Variants in EYA2 observed in about 807,000 individuals in gnomAD.
The protein encoded by EYA2 is EYA transcriptional coactivator and phosphatase 2.
A neutral mutation model predicts 69.2 loss-of-function variants in EYA2; 31 were observed. That is an observed-to-expected ratio of 0.45 (90% CI 0.34 to 0.60). EYA2 has a LOEUF of 0.60. EYA2 is among the 20% of genes least tolerant of loss of function. The pLI, the probability that EYA2 is intolerant of heterozygous loss-of-function variation, is 0.02. For synonymous variants in EYA2, 257 were observed against 279.4 expected (o/e 0.92, Z 0.80); for missense variants, 622 against 701.2 (o/e 0.89, Z 1.28).
intron 7 of EYA2, among the ~76,000 whole-genome samples, chr20:47,081,823 A>G (rs973903190): frequency 2.6e-4 from 39 of 151,062 alleles, no homozygotes; most frequent in Admixed American, 3.3e-4. Flanking sequence ...GAGAGAGAGA[A>G]AGAAAAAATG....
intron 11 of EYA2, among the ~76,000 whole-genome samples, chr20:47,170,702 A>C (rs2034301448): frequency 6.6e-6 from 1 of 152,104 alleles, no homozygotes; most frequent in African/African-American, 2.4e-5. Context: ...GGAATGTTCC[A>C]AGCCTGCCCC....
chr20:47,076,015 T>C (rs1007891749), intron 7 of EYA2, among the ~76,000 whole-genome samples: 2 of 152,272 alleles, frequency 1.3e-5, no homozygotes, highest in Non-Finnish European at 2.9e-5. Context: ...CTATCCATGT[T>C]GGTTCAAAGG....
chr20:47,175,867 TCTC>T (rs1436938414), intron 12 of EYA2, among the ~76,000 whole-genome samples: 6 of 152,232 alleles, frequency 3.9e-5, no homozygotes, highest in Non-Finnish European at 8.8e-5. Context: ...GGCCGTGTGT[TCTC>T]CTAGAGTTGA....
intron 1 of EYA2, among the ~76,000 whole-genome samples, chr20:46,909,197 T>C (rs1424537320): frequency 6.6e-6 from 1 of 152,154 alleles, no homozygotes; most frequent in East Asian, 1.9e-4. Flanking sequence ...TCATAAATGG[T>C]TGTCAGCCAC....
intron 1 of EYA2, among the ~76,000 whole-genome samples, chr20:46,959,971 C>T (rs989503138): frequency 1.3e-5 from 2 of 152,142 alleles, no homozygotes; most frequent in African/African-American, 4.8e-5. Flanking sequence ...TCATGGCCTT[C>T]TGAAATCACG....
At chr20:46,968,500 T>C (rs1160395397) in intron 1 of EYA2, among the ~76,000 whole-genome samples, 1 of 152,196 alleles carries the variant, frequency 6.6e-6, no homozygotes, top group Non-Finnish European at 1.5e-5. Context: ...CGTCACCCTA[T>C]ACTGCCCCCT....
At chr20:46,929,152 CAAAAAAAA>C (rs11329475) in intron 1 of EYA2, among the ~76,000 whole-genome samples, 2 of 98,334 alleles carry the variant, frequency 2.0e-5, no homozygotes, top group African/African-American at 3.7e-5. Context: ...ATAAGTTGTG[CAAAAAAAA>C]AAAAAAAAAA....
chr20:46,983,309 T>C (rs1600606608), intron 1 of EYA2, among the ~76,000 whole-genome samples: 1 of 152,198 alleles, frequency 6.6e-6, no homozygotes, highest in Non-Finnish European at 1.5e-5. Context: ...CTCTGGAAGA[T>C]GACATCTCCT....
chr20:47,162,504 TACAC>T (rs143829642), intron 10 of EYA2, among the ~76,000 whole-genome samples: 1,676 of 148,524 alleles, frequency 0.011, 19 homozygotes, highest in Non-Finnish European at 0.015. Flanking sequence ...AAGCAGTACA[TACAC>T]ACATTATCCT....
At chr20:46,992,373 A>G (rs1330911373) in intron 2 of EYA2, among the ~76,000 whole-genome samples, 1 of 152,192 alleles carries the variant, frequency 6.6e-6, no homozygotes, top group Non-Finnish European at 1.5e-5. Context: ...AGATAGTCTG[A>G]CTTCAGAGTT....
chr20:47,119,547 A>G (rs1180839177), intron 9 of EYA2, among the ~76,000 whole-genome samples: 1 of 152,256 alleles, frequency 6.6e-6, no homozygotes, highest in East Asian at 1.9e-4. Flanking sequence ...GTCAAGTGAA[A>G]GAAGCCAGAT....
intron 1 of EYA2, among the ~76,000 whole-genome samples, chr20:46,961,172 TA>T (rs1006759211): frequency 1.3e-5 from 2 of 152,054 alleles, no homozygotes; most frequent in African/African-American, 4.8e-5. Flanking sequence ...CCGTCTCTAC[TA>T]AAAATACAAA....
At chr20:46,945,656 C>T (rs1233492506) in intron 1 of EYA2, among the ~76,000 whole-genome samples, 1 of 152,214 alleles carries the variant, frequency 6.6e-6, no homozygotes, top group Admixed American at 6.5e-5. Flanking sequence ...ATCGTTAGGG[C>T]GTTTGATGAT....
At chr20:46,959,131 C>A (rs11696413) in intron 1 of EYA2, among the ~76,000 whole-genome samples, 32,671 of 152,236 alleles carry the variant, frequency 0.21, 4,484 homozygotes, top group South Asian at 0.33. Flanking sequence ...GTCTGAGGAA[C>A]CTTCATTTGT....
chr20:47,171,211 G>A (rs762986081), intron 11 of EYA2, among the ~76,000 whole-genome samples: 2 of 152,242 alleles, frequency 1.3e-5, no homozygotes, highest in Admixed American at 1.3e-4. Context: ...GGAATTGAGA[G>A]CAACAGTCCT....
At chr20:47,166,393 T>TTAAAAAAAAAAAAAAAAAAA (rs1555806208) in intron 10 of EYA2, among the ~76,000 whole-genome samples, 1 of 34,522 alleles carries the variant, frequency 2.9e-5, no homozygotes, top group African/African-American at 7.0e-5. Flanking sequence ...CAAGACTGTC[T>TTAAAAAAAAAAAAAAAAAAA]AAAAAAAAAA....
At chr20:46,896,825 C>T (rs58943280) in intron 1 of EYA2, among the ~76,000 whole-genome samples, 4,166 of 152,254 alleles carry the variant, frequency 0.027, 63 homozygotes, top group African/African-American at 0.045. Flanking sequence ...TTCAGCTTCA[C>T]AATATCATTC....
chr20:46,989,098 C>T (rs1293943321), intron 1 of EYA2, among the ~76,000 whole-genome samples: 19 of 152,156 alleles, frequency 1.2e-4, no homozygotes, highest in Admixed American at 1.2e-3. Context: ...CTCATCCCTA[C>T]TCTCCCCTGC....
chr20:47,001,116 T>A (rs1982339321), intron 2 of EYA2, among the ~76,000 whole-genome samples: 1 of 152,158 alleles, frequency 6.6e-6, no homozygotes, highest in Non-Finnish European at 1.5e-5. Context: ...TCTGTCTCTT[T>A]GGCCTCAGTT....
Sources: gnomAD v4.1 joint callset for allele counts (sites outside exome capture counted in the v4.1 genomes callset) on GRCh38, gnomAD v4.1.1 for gene constraint, MANE v1.5 for transcripts, NCBI Gene and HGNC (gene_info 2026-07-23, HGNC 2026-07-21) for gene names.